FHIT: variants seen among roughly 807,000 people sequenced by gnomAD.
The protein encoded by FHIT is bis(5'-adenosyl)-triphosphatase.
A neutral mutation model predicts 17.9 loss-of-function variants in FHIT; 19 were observed. The ratio of observed to expected loss-of-function variants is 1.06; its 90% CI spans 0.74 to 1.56. FHIT has a LOEUF of 1.56. Among genes scored for constraint, FHIT ranks in the 40% most tolerant of loss-of-function variants. The pLI is 0.00. For synonymous variants in FHIT, 81 were observed against 69.7 expected, an observed-to-expected ratio of 1.16 and a Z score of -0.81; for missense variants, 248 against 189.2, an observed-to-expected ratio of 1.31 and a Z score of -1.82.
chr3:60,480,337 C>A (rs1279429346), intron 5 of FHIT, among the ~76,000 whole-genome samples: 2 of 152,106 alleles, frequency 1.3e-5, no homozygotes, highest in Non-Finnish European at 2.9e-5. Flanking sequence ...GCAAGACAGC[C>A]AAACCAAATC....
intron 8 of FHIT, among the ~76,000 whole-genome samples, chr3:59,832,264 T>C (rs943995924): frequency 6.6e-6 from 1 of 152,138 alleles, no homozygotes; most frequent in Non-Finnish European, 1.5e-5. Flanking sequence ...GGGCAAAAGT[T>C]ACTTCTGGAT....
intron 2 of FHIT, among the ~76,000 whole-genome samples, chr3:61,196,673 A>G (rs2038860818): frequency 6.6e-6 from 1 of 152,174 alleles, no homozygotes; most frequent in Admixed American, 6.5e-5. Flanking sequence ...CCACTAAGGG[A>G]TGGTCTAGTG....
chr3:60,676,742 G>A (rs1553695500), intron 4 of FHIT, among the ~76,000 whole-genome samples: 1 of 152,184 alleles, frequency 6.6e-6, no homozygotes, highest in African/African-American at 2.4e-5. Flanking sequence ...ACCATTCCCT[G>A]AAAATCCTCA....
intron 5 of FHIT, among the ~76,000 whole-genome samples, chr3:60,311,973 T>C (rs1306699024): frequency 6.6e-6 from 1 of 152,192 alleles, no homozygotes; most frequent in Non-Finnish European, 1.5e-5. Context: ...AATAGTTCTT[T>C]ATAAACTGAA....
chr3:59,787,482 AC>A (rs1699357557), intron 8 of FHIT, among the ~76,000 whole-genome samples: 2 of 3,522 alleles, frequency 5.7e-4, no homozygotes, highest in African/African-American at 1.1e-3. Flanking sequence ...AAGGGGCAAA[AC>A]ACACACACAC....
At chr3:61,212,548 G>A (rs2039517711) in intron 1 of FHIT, among the ~76,000 whole-genome samples, 1 of 152,186 alleles carries the variant, frequency 6.6e-6, no homozygotes. Context: ...AAAGTGATGG[G>A]GAGAATGGAA....
At chr3:60,177,520 A>G (rs1219027024) in intron 5 of FHIT, among the ~76,000 whole-genome samples, 2 of 152,230 alleles carry the variant, frequency 1.3e-5, no homozygotes, top group Non-Finnish European at 2.9e-5. Context: ...GCATAGAAGT[A>G]GGTCAAAACA....
At chr3:59,846,548 A>G (rs1338453946) in intron 8 of FHIT, among the ~76,000 whole-genome samples, 1 of 152,178 alleles carries the variant, frequency 6.6e-6, no homozygotes, top group Non-Finnish European at 1.5e-5. Context: ...TGATTTTTAG[A>G]CCAATATATT....
intron 8 of FHIT, among the ~76,000 whole-genome samples, chr3:59,864,371 G>T (rs1010196387): frequency 6.6e-6 from 1 of 152,088 alleles, no homozygotes; most frequent in African/African-American, 2.4e-5. Flanking sequence ...TTCTCTTGCT[G>T]CCACCATGTA....
rs775740930 is a variant in FHIT, at chr3:60,926,567, G to T, written c.-110-104556C>A. Among the ~76,000 whole-genome samples, 80 of 152,084 alleles carry T rather than the reference G, an allele frequency of 5.3e-4. 1 individual carries two copies. The highest frequency in any genetic ancestry group is 1.0e-3 in the Non-Finnish European group (71 of 68,016). ...GACACATTCAAAGCAGTGTGTAGAG[G>T]GAAATTTATAGCACTAAATGCCCAC... On this transcript the variant is annotated intron_variant, in intron 3 of 9. Coordinates refer to ENST00000492590, the MANE Select transcript of FHIT (RefSeq NM_002012.4).
chr3:60,761,618 CT>C (rs71629113), intron 4 of FHIT, among the ~76,000 whole-genome samples: 12,158 of 128,576 alleles, frequency 0.095, 474 homozygotes, highest in Non-Finnish European at 0.11. Flanking sequence ...TCTTCCATGT[CT>C]TTTTTTTTTT....
intron 5 of FHIT, among the ~76,000 whole-genome samples, chr3:60,384,001 G>A (rs1183100015): frequency 1.3e-5 from 2 of 152,172 alleles, no homozygotes; most frequent in African/African-American, 4.8e-5. Flanking sequence ...AGGCGCAGGT[G>A]GCCCATGCCT....
chr3:60,525,706 A>G (rs1251829357), intron 5 of FHIT, among the ~76,000 whole-genome samples: 1 of 152,166 alleles, frequency 6.6e-6, no homozygotes, highest in Non-Finnish European at 1.5e-5. Flanking sequence ...CAGACTTGAG[A>G]TGCAACTTTT....
intron 3 of FHIT, among the ~76,000 whole-genome samples, chr3:60,846,194 A>C (rs1286314991): frequency 6.6e-6 from 1 of 152,186 alleles, no homozygotes; most frequent in Non-Finnish European, 1.5e-5. Context: ...GCAATACATA[A>C]AATTTTAAAA....
intron 5 of FHIT, among the ~76,000 whole-genome samples, chr3:60,297,973 A>G (rs13317933): frequency 0.3 from 44,830 of 151,890 alleles, 7,591 homozygotes; most frequent in East Asian, 0.77. Context: ...TGTTCAAGAA[A>G]TTTGGTAGAG....
intron 5 of FHIT, among the ~76,000 whole-genome samples, chr3:60,147,763 GC>G (rs1700303413): frequency 6.6e-6 from 1 of 152,168 alleles, no homozygotes; most frequent in South Asian, 2.1e-4. Flanking sequence ...GATGCAGTCA[GC>G]TGGAAACATA....
intron 7 of FHIT, among the ~76,000 whole-genome samples, chr3:59,936,761 G>A (rs1243451851): frequency 6.6e-6 from 1 of 152,116 alleles, no homozygotes; most frequent in Admixed American, 6.6e-5. Context: ...TCCCTCCAGA[G>A]ACAGTAACAT....
At chr3:60,726,153 A>T (rs1331169919) in intron 4 of FHIT, among the ~76,000 whole-genome samples, 1 of 152,144 alleles carries the variant, frequency 6.6e-6, no homozygotes, top group African/African-American at 2.4e-5. Flanking sequence ...ACAACAAAGG[A>T]TTGGTCTCCC....
intron 5 of FHIT, among the ~76,000 whole-genome samples, chr3:60,218,418 A>T (rs1424765985): frequency 6.6e-6 from 1 of 152,302 alleles, no homozygotes; most frequent in Admixed American, 6.5e-5. Flanking sequence ...CAATGTGTCA[A>T]TTATAAAACA....
Sources: allele counts gnomAD v4.1 joint callset (sites outside exome capture counted in the v4.1 genomes callset), GRCh38; gene constraint gnomAD v4.1.1; transcripts MANE v1.5; gene names NCBI Gene and HGNC (gene_info 2026-07-23, HGNC 2026-07-21).